The following RBM47 variants were observed in gnomAD, a reference collection of about 807,000 sequenced individuals.
RBM47 encodes RNA binding motif protein 47, also known as RNA-binding protein 47.
Under a neutral mutation model 47.1 loss-of-function variants are expected in RBM47, and 21 were observed. That is an observed-to-expected ratio of 0.45 (90% CI 0.32 to 0.64). The LOEUF (loss-of-function observed/expected upper bound fraction) is 0.64. Among genes scored for constraint, RBM47 ranks in the 30% least tolerant of loss-of-function variants. RBM47 has a pLI of 0.05. For missense variants in RBM47, 708 were observed against 870.9 expected, an observed-to-expected ratio of 0.81 and a Z score of 2.35; for synonymous variants, 375 against 361.7, an observed-to-expected ratio of 1.04 and a Z score of -0.42.
At chr4:40,582,534 AAAAC>A (rs571255092) in intron 1 of RBM47, among the ~76,000 whole-genome samples, 37 of 152,246 alleles carry the variant, frequency 2.4e-4, no homozygotes, top group Non-Finnish European at 4.0e-4. Flanking sequence ...ACTCCATCTC[AAAAC>A]AAACAAACAA....
chr4:40,520,275 AT>A (rs1560441558), intron 2 of RBM47, among the ~76,000 whole-genome samples: 1 of 152,216 alleles, frequency 6.6e-6, no homozygotes, highest in Non-Finnish European at 1.5e-5. Context: ...CTTCTGTGCA[AT>A]AGAAATGTTT....
intron 1 of RBM47, among the ~76,000 whole-genome samples, chr4:40,626,597 A>G (rs1172914833): frequency 6.6e-6 from 1 of 152,150 alleles, no homozygotes; most frequent in Non-Finnish European, 1.5e-5. Flanking sequence ...TTCGCTGGAA[A>G]ATGAAAGTTT....
At chr4:40,476,565 CACA>C (rs976030866) in intron 2 of RBM47, among the ~76,000 whole-genome samples, 38 of 152,092 alleles carry the variant, frequency 2.5e-4, no homozygotes, top group African/African-American at 9.2e-4. Flanking sequence ...ACCATCTGTA[CACA>C]ACAACAGATC....
At chr4:40,516,822 C>T (rs1019988975) in intron 2 of RBM47, among the ~76,000 whole-genome samples, 4 of 152,186 alleles carry the variant, frequency 2.6e-5, no homozygotes, top group Admixed American at 6.5e-5. Context: ...CTGCTCTCCC[C>T]GCCACCTGTG....
At chr4:40,592,257 C>CT (rs55974728) in intron 1 of RBM47, among the ~76,000 whole-genome samples, 2,914 of 139,314 alleles carry the variant, frequency 0.021, 90 homozygotes, top group African/African-American at 0.066. Flanking sequence ...TTTTCTTTTA[C>CT]TTTTTTTTTT....
intron 1 of RBM47, among the ~76,000 whole-genome samples, chr4:40,606,132 AG>A (rs1263581931): frequency 3.3e-5 from 5 of 151,454 alleles, no homozygotes; most frequent in Non-Finnish European, 5.9e-5. Flanking sequence ...CAGGAGGTAG[AG>A]GTTGCAGTGA....
At chr4:40,597,076 T>A (rs1734820768) in intron 1 of RBM47, among the ~76,000 whole-genome samples, 1 of 152,000 alleles carries the variant, frequency 6.6e-6, no homozygotes, top group African/African-American at 2.4e-5. Context: ...CTGGCTAACA[T>A]GGTGAAACCC....
chr4:40,480,992 T>C (rs1399926913), intron 2 of RBM47, among the ~76,000 whole-genome samples: 2 of 152,118 alleles, frequency 1.3e-5, no homozygotes, highest in Admixed American at 6.5e-5. Context: ...GAAAAGTAGA[T>C]ATATTTCCTC....
At chr4:40,541,264 A>C (rs1213431870) in intron 2 of RBM47, among the ~76,000 whole-genome samples, 1 of 70,052 alleles carries the variant, frequency 1.4e-5, no homozygotes, top group Non-Finnish European at 2.4e-5. Flanking sequence ...AGATTCTCTC[A>C]AAAAAAAAAA....
chr4:40,532,647 T>C (rs28399185), intron 2 of RBM47, among the ~76,000 whole-genome samples: 1 of 140,972 alleles, frequency 7.1e-6, no homozygotes, highest in African/African-American at 3.0e-5. Flanking sequence ...CCTTTTTTTT[T>C]TCTTTTTAAA....
intron 2 of RBM47, among the ~76,000 whole-genome samples, chr4:40,511,943 A>G (rs1002032525): frequency 6.6e-6 from 1 of 151,786 alleles, no homozygotes; most frequent in Non-Finnish European, 1.5e-5. Flanking sequence ...TCAAAAAAAA[A>G]AAAAAGAAAA....
At chr4:40,571,360 A>G (rs34557424) in intron 1 of RBM47, among the ~76,000 whole-genome samples, 5,330 of 152,206 alleles carry the variant, frequency 0.035, 332 homozygotes, top group African/African-American at 0.12. Flanking sequence ...CAGTAGAGAC[A>G]GGAACTACTG....
intron 1 of RBM47, among the ~76,000 whole-genome samples, chr4:40,612,720 C>T (rs62301882): frequency 6.6e-6 from 1 of 152,136 alleles, no homozygotes; most frequent in Non-Finnish European, 1.5e-5. Flanking sequence ...ATCATTTTCC[C>T]ATTTATTAAA....
At chr4:40,494,578 G>A (rs1722324105) in intron 2 of RBM47, among the ~76,000 whole-genome samples, 2 of 152,144 alleles carry the variant, frequency 1.3e-5, no homozygotes, top group African/African-American at 4.8e-5. Context: ...ATAGGATGTG[G>A]AGATTCCTAA....
chr4:40,557,749 TA>T (rs5857736), intron 1 of RBM47, among the ~76,000 whole-genome samples: 103,715 of 150,724 alleles, frequency 0.69, 36,330 homozygotes, highest in East Asian at 0.88. Flanking sequence ...AACCCCACCT[TA>T]AAAAAAAAAA....
At chr4:40,608,192 C>G (rs1265005074) in intron 1 of RBM47, among the ~76,000 whole-genome samples, 1 of 152,098 alleles carries the variant, frequency 6.6e-6, no homozygotes, top group East Asian at 1.9e-4. Flanking sequence ...GCTAAAAGAT[C>G]ACCCTTCTTC....
At chr4:40,555,437 G>A (rs1274313879) in intron 1 of RBM47, among the ~76,000 whole-genome samples, 3 of 152,182 alleles carry the variant, frequency 2.0e-5, no homozygotes, top group Admixed American at 6.5e-5. Context: ...GTGTCCATTC[G>A]CTCTGCTGAA....
intron 3 of RBM47, among the ~76,000 whole-genome samples, chr4:40,446,404 G>T (rs1714528240): frequency 6.6e-6 from 1 of 152,108 alleles, no homozygotes; most frequent in East Asian, 1.9e-4. Context: ...TCTTAGTGCA[G>T]AACCTAGCAC....
intron 1 of RBM47, among the ~76,000 whole-genome samples, chr4:40,568,415 T>A (rs1577975307): frequency 3.6e-5 from 3 of 83,006 alleles, no homozygotes; most frequent in East Asian, 3.4e-4. Flanking sequence ...GGTAACATGG[T>A]AAAACCCTGT....
Sources: allele counts gnomAD v4.1 joint callset (sites outside exome capture counted in the v4.1 genomes callset), GRCh38; gene constraint gnomAD v4.1.1; transcripts MANE v1.5; gene names NCBI Gene and HGNC (gene_info 2026-07-23, HGNC 2026-07-21).